The following BCL9 variants were observed in gnomAD, a reference collection of about 807,000 sequenced individuals.
BCL9 encodes BCL9 transcription coactivator.
A neutral mutation model predicts 88.5 loss-of-function variants in BCL9; 25 were observed. That is an observed-to-expected ratio of 0.28 (90% CI 0.21 to 0.39). The LOEUF (loss-of-function observed/expected upper bound fraction) is 0.39. Among genes scored for constraint, BCL9 ranks in the 10% least tolerant of loss-of-function variants. The pLI is 1.00. For missense variants in BCL9, 1,817 were observed against 1,877.8 expected, an observed-to-expected ratio of 0.97 and a Z score of 0.60; for synonymous variants, 711 against 673.3, an observed-to-expected ratio of 1.06 and a Z score of -0.87.
chr1:147,608,330 C>CTTT (rs35324998), intron 3 of BCL9, among the ~76,000 whole-genome samples: 41,466 of 100,932 alleles, frequency 0.41, 10,427 homozygotes, highest in Middle Eastern at 0.69. Context: ...TTTTGTTTTG[C>CTTT]TTTTTTTTTT....
chr1:147,591,515 G>T (rs1330095216), intron 1 of BCL9, among the ~76,000 whole-genome samples: 1 of 152,074 alleles, frequency 6.6e-6, no homozygotes, highest in East Asian at 1.9e-4. Context: ...TACCTCATGG[G>T]GTTATTGCGT....
chr1:147,622,617 G>A (rs1658703412), intron 9 of BCL9, 86 bp downstream of exon 9: 2 of 1,502,218 alleles, frequency 1.3e-6, no homozygotes, highest in Non-Finnish European at 9.0e-7. Flanking sequence ...CTATACACCT[G>A]AATAGGTGGA....
intron 1 of BCL9, among the ~76,000 whole-genome samples, chr1:147,592,337 G>A (rs1432501882): frequency 6.6e-6 from 1 of 152,158 alleles, no homozygotes; most frequent in Admixed American, 6.5e-5. Context: ...CAATCCCAGA[G>A]GACTTGCTGC....
At position 147,596,418 on chromosome 1, in the gene BCL9, T is replaced by TTC. The variant is rs1358573862; in HGVS notation, c.-477-8358_-477-8357insCT. On this transcript the variant is annotated intron_variant, in intron 1 of 9. Coordinates refer to ENST00000234739, the MANE Select transcript of BCL9 (RefSeq NM_004326.4). ...ATTGACTTTCTTTTTTTTCTTTTCT[T>TTC]TTTTTTTTTTTTTGAGACGGAGTCT... Among the ~76,000 whole-genome samples, 37 of 142,208 alleles carry TTC rather than the reference T, an allele frequency of 2.6e-4. 5 individuals carry two copies. The highest frequency in any genetic ancestry group is 4.8e-4 in the Admixed American group (7 of 14,502). 93.3% of individuals were successfully genotyped at this position (142,208 alleles called of 152,430 possible). A position where few individuals can be genotyped will look rare whatever the true frequency, so the allele number is the denominator to read the frequency against.
chr1:147,554,608 G>A (rs587609456), intron 1 of BCL9, among the ~76,000 whole-genome samples: 1 of 152,298 alleles, frequency 6.6e-6, no homozygotes, highest in Non-Finnish European at 1.5e-5. Flanking sequence ...TTTGTGAAGT[G>A]AACAGCTCAT....
In BCL9 at chr1:147,611,885, C is replaced by G; in HGVS notation, c.49C>G (p.Gln17Glu). Residue 17 changes from glutamine (Q) to glutamate (E), a missense_variant, in exon 4 of 10, where the codon CAG becomes GAG. Physicochemically the swap from Gln to Glu is conservative, Grantham distance 29. Around this residue, in one of 2 missense-constraint regions of BCL9, gnomAD observed 1,228 missense variants for 1,191.6 expected, o/e 1.03. Transcript: ENST00000234739. Reference protein sequence around the residue: ...KVRSSPSGNTQSSPKSKQEVM... With the variant: ...KVRSSPSGNTESSPKSKQEVM... ...GAGGAGCTCTCCATCAGGAAACACA[C>G]AGAGGTAAGGGCTGGGCTGGGGCCT... 1.9e-6 allele frequency: 3 copies of G among 1,614,110 alleles called. No homozygotes were observed. The highest frequency in any genetic ancestry group is 2.5e-6 in the Non-Finnish European group (3 of 1,179,938).
intron 1 of BCL9, among the ~76,000 whole-genome samples, chr1:147,595,037 T>C (rs587623117): frequency 2.6e-5 from 4 of 152,312 alleles, no homozygotes; most frequent in African/African-American, 9.6e-5. Context: ...GGTCTTGCAG[T>C]GTAGAAGAAG....
chr1:147,595,588 G>T (rs1553200380), intron 1 of BCL9, among the ~76,000 whole-genome samples: 1 of 152,200 alleles, frequency 6.6e-6, no homozygotes, highest in Admixed American at 6.5e-5. Context: ...ACTGGTTTAT[G>T]CCTATAATAC....
intron 1 of BCL9, among the ~76,000 whole-genome samples, chr1:147,577,383 C>A (rs1242413255): frequency 6.6e-6 from 1 of 152,074 alleles, no homozygotes; most frequent in Non-Finnish European, 1.5e-5. Context: ...CAAGGGCTTG[C>A]CTTGGATGGA....
intron 1 of BCL9, among the ~76,000 whole-genome samples, chr1:147,566,339 T>C (rs1655593175): frequency 6.6e-6 from 1 of 152,122 alleles, no homozygotes. Context: ...AATGTATGTA[T>C]AGGCAGGAGT....
chr1:147,618,438 A>G (rs1658410952), intron 7 of BCL9, among the ~76,000 whole-genome samples: 1 of 152,326 alleles, frequency 6.6e-6, no homozygotes, highest in Non-Finnish European at 1.5e-5. Flanking sequence ...GGTGTTAGGT[A>G]CAGCCTCCCA....
chr1:147,598,696 G>A (rs1397551970), intron 1 of BCL9, among the ~76,000 whole-genome samples: 5 of 152,006 alleles, frequency 3.3e-5, no homozygotes, highest in African/African-American at 4.8e-5. Context: ...CTCTAACATG[G>A]GCAGTCTTCA....
chr1:147,619,203 G>A lies in BCL9; in HGVS notation c.1048G>A (p.Gly350Ser), dbSNP rs1658464310. The A allele has an allele frequency of 6.2e-7, 1 of 1,613,994 alleles. No individual in the cohort carries two copies. Among genetic ancestry groups the A allele is most frequent in the Non-Finnish European group, 8.5e-7 (1 of 1,179,952 alleles). The change falls in exon 8 of 10, where the codon GGC (glycine) becomes AGC (serine). Residue 350 changes from glycine (G) to serine (S), a missense_variant. Around this residue, in one of 2 missense-constraint regions of BCL9, gnomAD observed 1,228 missense variants for 1,191.6 expected, o/e 1.03. Transcript: ENST00000234739. This position sits in a 1 kb window ranked among gnomAD's most constrained non-coding sequence, Gnocchi z 4.1. ...CCCCACACTGGGAGAGAATCCCGAT[G>A]GCCTATCTCAGGAGCAGCTGGAGCA... ...EPPTLGENPD[G>S]LSQEQLEHRE...
In BCL9 at chr1:147,614,521, C is replaced by A. The variant is rs147212054; in HGVS notation, c.465C>A (p.Thr155=). The change falls in exon 6 of 10, where the codon ACC becomes ACA. Residue 155 remains threonine, a synonymous_variant. Coordinates refer to ENST00000234739, the MANE Select transcript of BCL9 (RefSeq NM_004326.4). ...PSNATAPRSS[T]PSHGQTTATE... is the part of the protein sequence containing the mutation. ...ATGCTACAGCCCCCAGGTCTTCTAC[C>A]CCCTCCCATGGCCAAACTACTGCCA... is the stretch of plus-strand genomic sequence containing the variant. 1 of 1,613,890 alleles carries A rather than the reference C, an allele frequency of 6.2e-7. No individual in the cohort carries two copies. The highest frequency in any genetic ancestry group is 8.5e-7 in the Non-Finnish European group (1 of 1,179,932).
At chr1:147,601,811 A>G (rs1357027364) in intron 1 of BCL9, among the ~76,000 whole-genome samples, 7 of 152,264 alleles carry the variant, frequency 4.6e-5, no homozygotes, top group Admixed American at 4.6e-4. Flanking sequence ...GTTAAATGGC[A>G]TAAGGATGCT....
intron 3 of BCL9, among the ~76,000 whole-genome samples, chr1:147,611,286 A>G (rs782519467): frequency 3.9e-5 from 6 of 152,138 alleles, no homozygotes; most frequent in Non-Finnish European, 7.3e-5. Context: ...TGTAAGGGAG[A>G]ATACATAGCT....
chr1:147,552,890 A>C (rs888333917), intron 1 of BCL9, among the ~76,000 whole-genome samples: 2 of 152,202 alleles, frequency 1.3e-5, no homozygotes, highest in African/African-American at 4.8e-5. Flanking sequence ...GTTCTTGTGC[A>C]GTACAAAGGA....
Position 147,571,492 on chromosome 1 carries a change from G to A in BCL9, c.-478+29818G>A, listed in dbSNP as rs186072808. Among the ~76,000 whole-genome samples, 153 of 152,274 alleles carry A rather than the reference G, an allele frequency of 1.0e-3. 1 individual carries two copies. The highest frequency in any genetic ancestry group is 3.6e-3 in the African/African-American group (150 of 41,556). On this transcript the variant is annotated intron_variant, in intron 1 of 9. Transcript: ENST00000234739. ...AGACCCTCCTCTTCATCAAAGCAAA[G>A]CTCCTGGGTTGGGAGGAGCTCAATG... is the stretch of plus-strand genomic sequence containing the variant.
chr1:147,605,839 T>A (rs1657671901), intron 2 of BCL9, among the ~76,000 whole-genome samples: 1 of 152,206 alleles, frequency 6.6e-6, no homozygotes, highest in South Asian at 2.1e-4. Context: ...GTAGTGGTCA[T>A]AGCATAGAAA....
Sources: gnomAD v4.1 joint callset for allele counts (sites outside exome capture counted in the v4.1 genomes callset) on GRCh38, gnomAD v4.1.1 for gene constraint, gnomAD v4.1.1 regional missense constraint, Gnocchi (gnomAD v3.1) non-coding constraint, MANE v1.5 for transcripts, NCBI Gene and HGNC (gene_info 2026-07-23, HGNC 2026-07-21) for gene names.